Variants in HIVEP3 observed in about 807,000 individuals in gnomAD.
HIVEP3 encodes transcription factor HIVEP3.
Under a neutral mutation model 152.8 loss-of-function variants are expected in HIVEP3, and 49 were observed. That is an observed-to-expected ratio of 0.32 (90% CI 0.26 to 0.41). HIVEP3 has a LOEUF of 0.41. Among genes scored for constraint, HIVEP3 ranks in the 10% least tolerant of loss-of-function variants. The probability of loss-of-function intolerance (pLI) is 1.00; values close to 1 mark genes in which losing one functional copy is unlikely to be tolerated. For synonymous variants in HIVEP3, 1,269 were observed against 1,289.0 expected (o/e 0.98, Z 0.33); for missense variants, 2,790 against 3,103.3 (o/e 0.90, Z 2.40).
At chr1:41,837,941 G>T (rs1300414584) in intron 1 of HIVEP3, among the ~76,000 whole-genome samples, 2 of 151,992 alleles carry the variant, frequency 1.3e-5, no homozygotes, top group Admixed American at 6.5e-5. Context: ...GCCCTGCAGG[G>T]GCCCAGGCTA....
chr1:41,818,750 G>A (rs1195661097), intron 1 of HIVEP3, among the ~76,000 whole-genome samples: 1 of 152,184 alleles, frequency 6.6e-6, no homozygotes, highest in East Asian at 1.9e-4. Flanking sequence ...CCCATGCACT[G>A]TGGAGATTTA....
intron 2 of HIVEP3, among the ~76,000 whole-genome samples, chr1:41,668,101 A>T (rs563407421): frequency 6.6e-6 from 1 of 152,330 alleles, no homozygotes; most frequent in Admixed American, 6.5e-5. Context: ...TGAGACTTTC[A>T]TCCAACTGAT....
intron 2 of HIVEP3, among the ~76,000 whole-genome samples, chr1:41,683,339 T>C (rs1256142038): frequency 6.6e-6 from 1 of 152,316 alleles, no homozygotes; most frequent in South Asian, 2.1e-4. Context: ...GCATATGACA[T>C]AATCCTATTC....
intron 1 of HIVEP3, among the ~76,000 whole-genome samples, chr1:41,862,262 G>T (rs1570689896): frequency 6.6e-6 from 1 of 152,100 alleles, no homozygotes; most frequent in East Asian, 1.9e-4. Flanking sequence ...ACAAGTGTGG[G>T]CTCTGCACTC....
At chr1:41,870,037 T>TGA (rs1422462974) in intron 1 of HIVEP3, among the ~76,000 whole-genome samples, 5 of 152,280 alleles carry the variant, frequency 3.3e-5, no homozygotes, top group African/African-American at 1.2e-4. Flanking sequence ...GAGCAGAATG[T>TGA]GAGTGCGTCT....
intron 1 of HIVEP3, among the ~76,000 whole-genome samples, chr1:41,995,760 T>G (rs898134990): frequency 1.3e-5 from 2 of 152,202 alleles, no homozygotes; most frequent in Admixed American, 6.5e-5. Flanking sequence ...TAAAGGTATT[T>G]TGAAGTAATT....
chr1:41,819,620 G>A (rs1462108273), intron 1 of HIVEP3, among the ~76,000 whole-genome samples: 6 of 151,920 alleles, frequency 3.9e-5, no homozygotes, highest in South Asian at 2.1e-4. Context: ...TAATTATTTC[G>A]AAGAATTTTT....
chr1:41,672,277 C>G (rs537648374), intron 2 of HIVEP3, among the ~76,000 whole-genome samples: 1 of 152,356 alleles, frequency 6.6e-6, no homozygotes, highest in East Asian at 1.9e-4. Context: ...CCCAGACCCC[C>G]ACCTGAGCTC....
intron 5 of HIVEP3, among the ~76,000 whole-genome samples, chr1:41,546,649 C>T (rs1341851319): frequency 1.3e-5 from 2 of 152,242 alleles, no homozygotes; most frequent in Non-Finnish European, 2.9e-5. Flanking sequence ...AGACTACAAA[C>T]CTAGACTTCT....
In HIVEP3 at chr1:41,582,511, A is replaced by G. The variant is rs938907202; in HGVS notation, c.2287T>C (p.Ser763Pro). The G allele has an allele frequency of 1.2e-6, 2 of 1,612,054 alleles. No individual in the cohort carries two copies. The highest frequency in any genetic ancestry group is 1.7e-6 in the Non-Finnish European group (2 of 1,178,710). Residue 763 changes from serine (S) to proline (P), a missense_variant, in exon 4 of 9, where the codon TCA becomes CCA. Coordinates refer to ENST00000372583, the MANE Select transcript of HIVEP3 (RefSeq NM_024503.5). This position sits in a 1 kb window ranked among gnomAD's most constrained non-coding sequence, Gnocchi z 4.7. ...STKSPAEPSKSVPSLEGPTGF... is the reference protein window; with the variant it reads ...STKSPAEPSKPVPSLEGPTGF... ...GTGGGTCCCTCCAAGGAGGGCACTG[A>G]TTTACTTGGTTCTGCTGGTGACTTG...
At chr1:41,598,851 T>C (rs1012373621) in intron 3 of HIVEP3, among the ~76,000 whole-genome samples, 2 of 149,166 alleles carry the variant, frequency 1.3e-5, no homozygotes, top group African/African-American at 4.9e-5. Flanking sequence ...GATCTCATTC[T>C]GTTGCCCAAA....
intron 1 of HIVEP3, among the ~76,000 whole-genome samples, chr1:41,781,595 T>C (rs1167448364): frequency 2.6e-5 from 4 of 152,216 alleles, no homozygotes; most frequent in African/African-American, 9.7e-5. Flanking sequence ...ATCTTCCATA[T>C]GGCCACAGAA....
At chr1:41,681,486 C>T (rs1345190354) in intron 2 of HIVEP3, among the ~76,000 whole-genome samples, 4 of 152,198 alleles carry the variant, frequency 2.6e-5, no homozygotes, top group Non-Finnish European at 5.9e-5. Context: ...GCCCTCTCCC[C>T]GGCAGAACAT....
At position 41,953,540 on chromosome 1, in the gene HIVEP3, T is replaced by C. The variant is rs114359524; in HGVS notation, n.120-35016A>G. 4.5e-3 allele frequency among the ~76,000 whole-genome samples: 687 copies of C among 152,334 alleles called. 5 individuals carry two copies. The highest frequency in any genetic ancestry group is 0.016 in the African/African-American group (668 of 41,580). On this transcript the variant is annotated intron_variant and non_coding_transcript_variant, in intron 1 of 3. Transcript: ENST00000489103. ...TGTCAGATGTCTGCCTCTTCCCTCC[T>C]AGACTGTGCACATCCCATAAGAAAG...
chr1:41,684,539 A>G (rs1558178373), intron 2 of HIVEP3, among the ~76,000 whole-genome samples: 1 of 152,182 alleles, frequency 6.6e-6, no homozygotes, highest in Non-Finnish European at 1.5e-5. Context: ...CATCAGTGAG[A>G]TGAGAGGAGG....
At chr1:41,831,164 C>A (rs1642953737) in intron 1 of HIVEP3, among the ~76,000 whole-genome samples, 1 of 152,202 alleles carries the variant, frequency 6.6e-6, no homozygotes, top group Non-Finnish European at 1.5e-5. Flanking sequence ...CAGCACCCAG[C>A]ACCATGTAAG....
chr1:41,523,874 C>T (rs964469838), intron 6 of HIVEP3, among the ~76,000 whole-genome samples: 2 of 152,196 alleles, frequency 1.3e-5, no homozygotes, highest in African/African-American at 2.4e-5. Flanking sequence ...ACTGGGGTGC[C>T]GAGAGCCCTG....
intron 1 of HIVEP3, among the ~76,000 whole-genome samples, chr1:41,787,523 T>C (rs960869996): frequency 6.9e-6 from 1 of 145,524 alleles, no homozygotes. Flanking sequence ...TCTCTTTTCC[T>C]TTTCTTTCTT....
At chr1:41,944,590 C>T (rs1404262530) in intron 1 of HIVEP3, among the ~76,000 whole-genome samples, 8 of 152,164 alleles carry the variant, frequency 5.3e-5, no homozygotes, top group African/African-American at 1.7e-4. Flanking sequence ...TGAGCACAAA[C>T]GCAATGTTGG....
Sources: gnomAD v4.1 joint callset for allele counts (sites outside exome capture counted in the v4.1 genomes callset) on GRCh38, gnomAD v4.1.1 for gene constraint, Gnocchi (gnomAD v3.1) non-coding constraint, MANE v1.5 for transcripts, NCBI Gene and HGNC (gene_info 2026-07-23, HGNC 2026-07-21) for gene names.